The following PLEKHO1 variants were observed in gnomAD, a reference collection of about 807,000 sequenced individuals.
PLEKHO1 encodes the protein pleckstrin homology domain containing O1.
PLEKHO1 carries 22 observed loss-of-function variants against 41.4 expected under a neutral mutation model. The ratio of observed to expected loss-of-function variants is 0.53; its 90% CI spans 0.38 to 0.76. PLEKHO1 has a LOEUF of 0.76. Ranked by LOEUF, PLEKHO1 falls within the 30% of genes least tolerant of loss-of-function variation. PLEKHO1 has a pLI of 0.00. For missense variants in PLEKHO1, 488 were observed against 518.3 expected (o/e 0.94, Z 0.57); for synonymous variants, 225 against 210.8 (o/e 1.07, Z -0.58).
At chr1:150,157,957 A>G (rs1553820788) in intron 5 of PLEKHO1, among the ~76,000 whole-genome samples, 2 of 152,146 alleles carry the variant, frequency 1.3e-5, no homozygotes, top group East Asian at 3.8e-4. Flanking sequence ...TTGGAACCTC[A>G]CTGTAATCAG....
At chr1:150,154,926 A>T (rs1443101685) in intron 2 of PLEKHO1, 2 of 152,312 alleles carry the variant, frequency 1.3e-5, no homozygotes, top group East Asian at 1.9e-4. Flanking sequence ...AAACAAATCC[A>T]TAAGCCACTG....
intron 2 of PLEKHO1, among the ~76,000 whole-genome samples, chr1:150,151,435 TC>T (rs1185493414): frequency 6.6e-6 from 1 of 152,032 alleles, no homozygotes; most frequent in Non-Finnish European, 1.5e-5. Context: ...CCCCTTCCTG[TC>T]CCCCCACCTT....
At chr1:150,157,361 A>G (rs1553820653) in intron 4 of PLEKHO1, 24 bp from the exon 5 acceptor site, 6 of 1,558,276 alleles carry the variant, frequency 3.9e-6, no homozygotes, top group Non-Finnish European at 4.4e-6. Flanking sequence ...AAGAGCACTC[A>G]TGATTCACAG....
chr1:150,152,688 TAAAAAAAAAAA>T (rs1407877862), intron 2 of PLEKHO1: 8 of 74,064 alleles, frequency 1.1e-4, no homozygotes, highest in African/African-American at 2.3e-4. Context: ...CTTTCTAAAT[TAAAAAAAAAAA>T]AAAAAAAAAA....
chr1:150,155,751 C>T (rs952740433), intron 2 of PLEKHO1: 8 of 245,242 alleles, frequency 3.3e-5, no homozygotes, highest in Non-Finnish European at 6.2e-5. Flanking sequence ...AACATGTAAG[C>T]TGTGTCCTTA....
At position 150,156,918 on chromosome 1, in the gene PLEKHO1, A is replaced by C. The variant is rs948085427; in HGVS notation, c.326A>C (p.Asn109Thr). 7.5e-6 allele frequency: 12 copies of C among 1,610,696 alleles called. No homozygotes were observed. The highest frequency in any genetic ancestry group is 1.0e-5 in the Non-Finnish European group (12 of 1,177,080). The change falls in exon 4 of 6, where the codon AAC (asparagine) becomes ACC (threonine). Residue 109 changes from asparagine (N) to threonine (T), a missense_variant. Physicochemically the swap from Asn to Thr is moderately conservative, Grantham distance 65 (BLOSUM62 0). Around this residue, in one of 3 missense-constraint regions of PLEKHO1, gnomAD observed 59 missense variants for 111.5 expected, o/e 0.53. Transcript: ENST00000369124. ...HSKQPGNTAP[N>T]LIFLAVSPEE... ...GGAATCTTCCCCTCACAGGCACCCA[A>C]CCTGATCTTCCTGGCAGTGAGTCCA...
In PLEKHO1 at chr1:150,159,012, T is replaced by C; in HGVS notation, c.719T>C (p.Leu240Pro). Residue 240 changes from leucine (L) to proline (P), a missense_variant, in exon 6 of 6, where the codon CTC (leucine) becomes CCC (proline). Transcript: ENST00000369124. ...IQPSADRASS[L>P]SRPWEKTDKG... Reference sequence around the variant, plus strand: ...CCCTCCGCAGACCGGGCAAGCAGTCTCTCCCGACCTTGGGAAAAAACAGAC... The same window carrying C: ...CCCTCCGCAGACCGGGCAAGCAGTCCCTCCCGACCTTGGGAAAAAACAGAC... 1 of 1,613,568 alleles carries C rather than the reference T, an allele frequency of 6.2e-7. No individual in the cohort carries two copies.
intron 4 of PLEKHO1, 157 bp from the exon 5 acceptor site, chr1:150,157,228 G>C (rs1660209772): frequency 4.1e-6 from 3 of 724,536 alleles, no homozygotes; most frequent in Non-Finnish European, 7.4e-6. Context: ...GGGGGAGCCA[G>C]CCTTGGGTCA....
At chr1:150,154,018 C>T (rs1553819770) in intron 2 of PLEKHO1, 1 of 152,320 alleles carries the variant, frequency 6.6e-6, no homozygotes, top group Non-Finnish European at 1.5e-5. Context: ...CCCCATCTCC[C>T]ACCCTCTCCA....
intron 5 of PLEKHO1, among the ~76,000 whole-genome samples, chr1:150,157,915 A>G (rs1660243797): frequency 6.6e-6 from 1 of 152,200 alleles, no homozygotes; most frequent in South Asian, 2.1e-4. Flanking sequence ...GGTATAATGC[A>G]GAGAACACAG....
chr1:150,158,689 T>TA (rs1169612459), intron 5 of PLEKHO1, 130 bp from the exon 6 acceptor site: 43 of 697,418 alleles, frequency 6.2e-5, no homozygotes, highest in South Asian at 1.1e-4. Flanking sequence ...ACTCTGTCTC[T>TA]AAAAAAAAGT....
intron 3 of PLEKHO1, among the ~76,000 whole-genome samples, chr1:150,156,584 G>C (rs186289677): frequency 4.1e-4 from 62 of 152,290 alleles, no homozygotes; most frequent in African/African-American, 1.4e-3. Context: ...AGTTATTCCT[G>C]TCACATTCTA....
intron 5 of PLEKHO1, 77 bp from the exon 6 acceptor site, chr1:150,158,742 C>G (rs1219716018): frequency 1.0e-6 from 1 of 971,314 alleles, no homozygotes; most frequent in African/African-American, 1.6e-5. Flanking sequence ...ATGACCACAG[C>G]TTGCATCTTT....
chr1:150,153,226 C>T (rs1226649309), intron 2 of PLEKHO1, among the ~76,000 whole-genome samples: 10 of 152,168 alleles, frequency 6.6e-5, no homozygotes, highest in Non-Finnish European at 1.2e-4. Flanking sequence ...CTCACTCTGT[C>T]GCCCACGCTG....
At chr1:150,157,152 A>G in intron 4 of PLEKHO1, 137 bp downstream of exon 4, 1 of 702,634 alleles carries the variant, frequency 1.4e-6, no homozygotes. Flanking sequence ...CCCTTTTAAA[A>G]GCCCTGATCT....
At position 150,156,056 on chromosome 1, in the gene PLEKHO1, C is replaced by CT; in HGVS notation, c.178-10_178-9insT. ...TTTATCCTCCTCACCTCACCCCAAC[C>CT]CTCCCCTAGGTAAAAGATGAGAAAA... is the stretch of plus-strand genomic sequence containing the variant. On this transcript the variant is annotated splice_polypyrimidine_tract_variant and intron_variant, in intron 2 of 5. Coordinates refer to ENST00000369124, the MANE Select transcript of PLEKHO1 (RefSeq NM_016274.6). 6.2e-7 allele frequency: 1 copy of CT among 1,611,704 alleles called. No homozygotes were observed. Among genetic ancestry groups the CT allele is most frequent in the Non-Finnish European group, 8.5e-7 (1 of 1,178,254 alleles).
Position 150,159,119 on chromosome 1 carries a change from C to G in PLEKHO1, c.826C>G (p.Leu276Val). ...KGRCASLEEILSQRDAASART... is the reference protein window; with the variant it reads ...KGRCASLEEIVSQRDAASART... Reference sequence around the variant, plus strand: ...CCGCTGCGCCTCCCTGGAGGAGATCCTATCTCAGCGGGATGCTGCCTCTGC... The same window carrying G: ...CCGCTGCGCCTCCCTGGAGGAGATCGTATCTCAGCGGGATGCTGCCTCTGC... The change falls in exon 6 of 6, where the codon CTA becomes GTA. Residue 276 changes from leucine (L) to valine (V), a missense_variant. Around this residue, in one of 3 missense-constraint regions of PLEKHO1, gnomAD observed 337 missense variants for 324.6 expected, o/e 1.04. Coordinates refer to ENST00000369124, the MANE Select transcript of PLEKHO1 (RefSeq NM_016274.6). 6.2e-7 allele frequency: 1 copy of G among 1,612,952 alleles called. No individual in the cohort carries two copies. The highest frequency in any genetic ancestry group is 8.5e-7 in the Non-Finnish European group (1 of 1,179,608).
Position 150,150,253 on chromosome 1 carries a change from TG to T in PLEKHO1, c.-2del. On this transcript the variant is annotated 5_prime_UTR_variant, in exon 1 of 6. Transcript: ENST00000369124. Reference sequence around the variant, plus strand: ...CTCGCCGCCCCGCGCCCGCGCCCGCTGGGAATGATGAAGAAGAACAATTCCG... The same window carrying T: ...CTCGCCGCCCCGCGCCCGCGCCCGCTGGAATGATGAAGAAGAACAATTCCG... 2 of 1,098,502 alleles carry T rather than the reference TG, an allele frequency of 1.8e-6. No individual in the cohort carries two copies. The highest frequency in any genetic ancestry group is 2.7e-5 in the South Asian group (1 of 36,522). The allele number at this position is 1,098,502 out of a possible 1,614,324, so 68.0% of individuals were successfully genotyped here. A position where few individuals can be genotyped will look rare whatever the true frequency, so the allele number is the denominator to read the frequency against.
intron 2 of PLEKHO1, chr1:150,152,881 T>G (rs1449839565): frequency 5.3e-5 from 8 of 152,068 alleles, no homozygotes; most frequent in Admixed American, 3.9e-4. Flanking sequence ...GAGCAGAGTC[T>G]GGGGGCAAAA....
Sources: gnomAD v4.1 joint callset for allele counts (sites outside exome capture counted in the v4.1 genomes callset) on GRCh38, gnomAD v4.1.1 for gene constraint, gnomAD v4.1.1 regional missense constraint, MANE v1.5 for transcripts, NCBI Gene and HGNC (gene_info 2026-07-23, HGNC 2026-07-21) for gene names.